Variants in MMP26 observed in about 807,000 individuals in gnomAD.
MMP26 encodes the protein matrix metallopeptidase 26, also known as matrix metalloproteinase-26.
A neutral mutation model predicts 31.0 loss-of-function variants in MMP26; 33 were observed. That is an observed-to-expected ratio of 1.06 (90% CI 0.81 to 1.42). The LOEUF (loss-of-function observed/expected upper bound fraction) is 1.42, where lower values mean the gene tolerates loss of function less well. MMP26 is among the 40% of genes most tolerant of loss of function. The pLI is 0.00. For missense variants in MMP26, 347 were observed against 316.1 expected (o/e 1.10, Z -0.74); for synonymous variants, 122 against 114.9 (o/e 1.06, Z -0.40).
intron 2 of MMP26, among the ~76,000 whole-genome samples, chr11:4,911,426 C>T (rs935618409): frequency 2.0e-5 from 3 of 152,106 alleles, no homozygotes; most frequent in African/African-American, 7.2e-5. Context: ...TCAATTTATT[C>T]CTATTAATTT....
intron 2 of MMP26, among the ~76,000 whole-genome samples, chr11:4,891,880 G>A (rs1242378665): frequency 6.6e-6 from 1 of 152,070 alleles, no homozygotes; most frequent in Non-Finnish European, 1.5e-5. Context: ...TACTGCCTGG[G>A]ACCATTTTTT....
chr11:4,763,884 TTAAAG>T (rs761290812), intron 1 of MMP26, among the ~76,000 whole-genome samples: 1 of 152,190 alleles, frequency 6.6e-6, no homozygotes, highest in African/African-American at 2.4e-5. Flanking sequence ...GTTATTAATA[TTAAAG>T]TATTTAGTAT....
chr11:4,973,093 CCGGTAGATG>C (rs1412941864), intron 2 of MMP26: 1 of 185,078 alleles, frequency 5.4e-6, no homozygotes, highest in African/African-American at 2.4e-5. Context: ...GTTTGGCAAA[CCGGTAGATG>C]ACAGCTAGGG....
At chr11:4,977,515 A>C (rs79543826) in intron 2 of MMP26, among the ~76,000 whole-genome samples, 10 of 152,094 alleles carry the variant, frequency 6.6e-5, no homozygotes, top group African/African-American at 1.2e-4. Flanking sequence ...GAAGGACTCA[A>C]ATGTGACCTG....
chr11:4,970,704 C>T lies in MMP26; in HGVS notation c.-144-17364C>T, dbSNP rs193182939. ...GTTGTTTTTAGTGGTGCTGGTGAGA[C>T]CAAATGGTCTGTCCTTGAACCCTTG... On this transcript the variant is annotated intron_variant, in intron 2 of 7. Coordinates refer to ENST00000380390, the MANE Select transcript of MMP26 (RefSeq NM_021801.5). Among the ~76,000 whole-genome samples the T allele has an allele frequency of 2.4e-3, 359 of 152,284 alleles. 1 individual carries two copies. Among genetic ancestry groups the T allele is most frequent in the Non-Finnish European group, 3.4e-3 (230 of 68,028 alleles).
chr11:4,958,550 C>T (rs1470209828), intron 2 of MMP26, among the ~76,000 whole-genome samples: 3 of 151,988 alleles, frequency 2.0e-5, no homozygotes, highest in Admixed American at 6.6e-5. Context: ...ATCTATCTAT[C>T]ATGTCTCTAT....
rs371177577 is a variant in MMP26, at chr11:4,871,327, T to C, written c.-145+103986T>C. On this transcript the variant is annotated intron_variant, in intron 2 of 7. Transcript: ENST00000380390. Reference sequence around the variant, plus strand: ...CTTTGCTGTGAAACAGAAAAGAGAATGGGACAATAACACAATGGCGTGTGA... The same window carrying C: ...CTTTGCTGTGAAACAGAAAAGAGAACGGGACAATAACACAATGGCGTGTGA... 7.2e-5 allele frequency among the ~76,000 whole-genome samples: 11 copies of C among 152,080 alleles called. 1 individual carries two copies. The East Asian group carries it at 2.1e-3, about 29-fold the overall frequency.
intron 2 of MMP26, chr11:4,973,949 G>A (rs756980886): frequency 3.3e-5 from 5 of 152,050 alleles, no homozygotes; most frequent in African/African-American, 7.2e-5. Flanking sequence ...TAAGTAGATC[G>A]GCTCAAATGC....
chr11:4,739,935 A>T (rs979824333), intron 1 of MMP26, among the ~76,000 whole-genome samples: 1 of 152,204 alleles, frequency 6.6e-6, no homozygotes, highest in Non-Finnish European at 1.5e-5. Context: ...AAAATGTCAC[A>T]ACAATAAGCT....
intron 1 of MMP26, among the ~76,000 whole-genome samples, chr11:4,733,956 A>G (rs1848206108): frequency 6.6e-6 from 1 of 152,074 alleles, no homozygotes. Flanking sequence ...TCTTTATCCT[A>G]TTCATTGTTC....
chr11:4,871,836 A>C (rs1236831183), intron 2 of MMP26: 1 of 152,112 alleles, frequency 6.6e-6, no homozygotes, highest in African/African-American at 2.4e-5. Flanking sequence ...TCTTAGAAAA[A>C]TGTAAAGGTC....
chr11:4,734,796 G>A (rs369468454), intron 1 of MMP26, among the ~76,000 whole-genome samples: 1 of 151,866 alleles, frequency 6.6e-6, no homozygotes, highest in South Asian at 2.1e-4. Context: ...GCATCGCATA[G>A]CATATTTATA....
At chr11:4,762,772 A>G (rs1420871533) in intron 1 of MMP26, among the ~76,000 whole-genome samples, 1 of 152,214 alleles carries the variant, frequency 6.6e-6, no homozygotes, top group Non-Finnish European at 1.5e-5. Flanking sequence ...ATGGGAGGCA[A>G]ATAGTTCATG....
intron 2 of MMP26, among the ~76,000 whole-genome samples, chr11:4,790,798 C>A (rs1197491458): frequency 6.6e-6 from 1 of 152,090 alleles, no homozygotes; most frequent in Non-Finnish European, 1.5e-5. Flanking sequence ...GTTAACCATG[C>A]CAACTCAATA....
At chr11:4,848,714 C>T (rs745993003) in intron 2 of MMP26, 1 of 1,614,020 alleles carries the variant, frequency 6.2e-7, no homozygotes, top group South Asian at 1.1e-5. Context: ...ATGGCAGGGG[C>T]AGATGGAGAC....
intron 2 of MMP26, among the ~76,000 whole-genome samples, chr11:4,872,260 A>G (rs543222484): frequency 6.6e-6 from 1 of 152,252 alleles, no homozygotes; most frequent in East Asian, 1.9e-4. Context: ...TCTATCTAAG[A>G]TAACACACAA....
At chr11:4,981,151 G>C (rs1846807568) in intron 2 of MMP26, among the ~76,000 whole-genome samples, 1 of 151,992 alleles carries the variant, frequency 6.6e-6, no homozygotes, top group South Asian at 2.1e-4. Context: ...TCAAGGAACT[G>C]TTGTTTCTTT....
chr11:4,736,621 A>G (rs1848244043), intron 1 of MMP26: 1 of 152,254 alleles, frequency 6.6e-6, no homozygotes, highest in Admixed American at 6.5e-5. Context: ...AAGTAGGGCC[A>G]GAGGCAATAG....
chr11:4,848,425 T>C (rs1370669908), intron 2 of MMP26: 4 of 1,613,872 alleles, frequency 2.5e-6, no homozygotes, highest in Admixed American at 1.7e-5. Context: ...AGGAGGATCA[T>C]AGGGATATAG....
Sources: allele counts gnomAD v4.1 joint callset (sites outside exome capture counted in the v4.1 genomes callset), GRCh38; gene constraint gnomAD v4.1.1; transcripts MANE v1.5; gene names NCBI Gene and HGNC (gene_info 2026-07-23, HGNC 2026-07-21).